Variants in BPIFA3 observed in about 807,000 individuals in gnomAD.
The protein encoded by BPIFA3 is BPI fold containing family A member 3.
A neutral mutation model predicts 29.7 loss-of-function variants in BPIFA3; 32 were observed. The observed-to-expected ratio is 1.08, with a 90% confidence interval of 0.81 to 1.45. The LOEUF is 1.45. Among genes scored for constraint, BPIFA3 ranks in the 40% most tolerant of loss-of-function variants. BPIFA3 has a pLI of 0.00. For synonymous variants in BPIFA3, 112 were observed against 113.7 expected (o/e 0.98, Z 0.10); for missense variants, 323 against 311.3 (o/e 1.04, Z -0.28).
intron 1 of BPIFA3, among the ~76,000 whole-genome samples, chr20:33,222,556 AT>A (rs1985563307): frequency 2.5e-5 from 2 of 80,762 alleles, no homozygotes; most frequent in African/African-American, 5.1e-5. Flanking sequence ...AGATGGACAG[AT>A]GGATGGATGG....
intron 5 of BPIFA3, 33 bp from the exon 6 acceptor site, chr20:33,226,896 TG>T (rs747516837): frequency 9.3e-6 from 15 of 1,613,968 alleles, no homozygotes; most frequent in Non-Finnish European, 1.3e-5. Flanking sequence ...TTCCAGCCCC[TG>T]GCCTGATCCT....
rs199674478 is a variant in BPIFA3 at position 33,227,042 on chromosome 20, C to A, written c.685+49C>A. 3.2e-6 allele frequency: 5 copies of A among 1,555,700 alleles called. No individual in the cohort carries two copies. In the African/African-American group the frequency reaches 5.4e-5, roughly 17 times the overall value. On this transcript the variant is annotated intron_variant, in intron 6 of 6. Transcript: ENST00000375454. ...AGGACTTCTTAGGACTGGCAAGTGG[C>A]TGAAAGAGGTACCCCCGGCCCTGGA...
At position 33,227,672 on chromosome 20, in the gene BPIFA3, G is replaced by A. The variant is rs997159285; in HGVS notation, c.*55G>A. The A allele has an allele frequency of 1.4e-6, 2 of 1,478,282 alleles. No individual in the cohort carries two copies. The highest frequency in any genetic ancestry group is 1.9e-6 in the Non-Finnish European group (2 of 1,057,828). 91.6% of individuals were successfully genotyped at this position (1,478,282 alleles called of 1,614,324 possible). A position where few individuals can be genotyped will look rare whatever the true frequency, so the allele number is the denominator to read the frequency against. On this transcript the variant is annotated 3_prime_UTR_variant, in exon 7 of 7. Transcript: ENST00000375454. ...CTTGCAACCTTAAGTCTCCCTTAGA[G>A]TGGGGCTTCTGCTACCCTAAAAACT...
Position 33,226,332 on chromosome 20 carries a change from T to A in BPIFA3, c.537-74T>A. On this transcript the variant is annotated intron_variant, in intron 4 of 6. Transcript: ENST00000375454. Reference sequence around the variant, plus strand: ...GACTAAAAGACTGTGGAAAGTATACTCAACACATACCTCCTGGCTTTAATA... The same window carrying A: ...GACTAAAAGACTGTGGAAAGTATACACAACACATACCTCCTGGCTTTAATA... 4 of 1,096,858 alleles carry A rather than the reference T, an allele frequency of 3.6e-6. No homozygotes were observed. In the Middle Eastern group the frequency reaches 5.9e-4, roughly 163 times the overall value. The allele number at this position is 1,096,858 out of a possible 1,614,324, so 67.9% of individuals were successfully genotyped here.
At chr20:33,222,333 A>C (rs981942702) in intron 1 of BPIFA3, among the ~76,000 whole-genome samples, 5 of 152,164 alleles carry the variant, frequency 3.3e-5, no homozygotes, top group Non-Finnish European at 5.9e-5. Flanking sequence ...CCGATAGGAG[A>C]AACAGAAAGG....
At chr20:33,226,263 T>C in intron 4 of BPIFA3, 143 bp from the exon 5 acceptor site, 1 of 664,246 alleles carries the variant, frequency 1.5e-6, no homozygotes, top group Non-Finnish European at 2.6e-6. Flanking sequence ...GCTACCCCTT[T>C]GATGATCACT....
Position 33,224,430 on chromosome 20 carries a change from T to TATCTC in BPIFA3, c.356_360dup (p.Leu121SerfsTer9). ...TCCATAAGGAGTGGTTCTCGGCAAA[T>TATCTC]ATCTCACTTGAATTTGACCTTGAAT... On this transcript the variant is annotated frameshift_variant, in exon 3 of 7. Transcript: ENST00000375454. LOFTEE classifies it high-confidence loss of function. 6.2e-7 allele frequency: 1 copy of TATCTC among 1,613,992 alleles called. No homozygotes were observed.
intron 1 of BPIFA3, among the ~76,000 whole-genome samples, chr20:33,221,210 C>T (rs988263584): frequency 4.1e-5 from 6 of 147,968 alleles, no homozygotes; most frequent in East Asian, 4.0e-4. Context: ...AGTACAGTGG[C>T]GGGATCTCAG....
Position 33,217,400 on chromosome 20 carries a change from C to A in BPIFA3, c.-137C>A. The A allele has an allele frequency of 8.5e-7, 1 of 1,172,740 alleles. No homozygotes were observed. 72.6% of individuals were successfully genotyped at this position (1,172,740 alleles called of 1,614,324 possible). A position where few individuals can be genotyped will look rare whatever the true frequency, so the allele number is the denominator to read the frequency against. ...GCGCCAGGGTCCAGTGCAGCCCCTC[C>A]CCACAGCATGCTGGGGGCTAATTCT... On this transcript the variant is annotated 5_prime_UTR_variant, in exon 1 of 7. Coordinates refer to ENST00000375454, the MANE Select transcript of BPIFA3 (RefSeq NM_178466.5).
chr20:33,223,868 T>G lies in BPIFA3; in HGVS notation c.185T>G (p.Phe62Cys). The change falls in exon 2 of 7, where the codon TTT (phenylalanine) becomes TGT (cysteine). Residue 62 changes from phenylalanine to cysteine, a missense_variant. Physicochemically the swap from Phe to Cys is radical, Grantham distance 205. Coordinates refer to ENST00000375454, the MANE Select transcript of BPIFA3 (RefSeq NM_178466.5). ...NAESRIQNIH[F>C]GDRLNASAQV... ...GAAAGCCGAATTCAGAACATCCACT[T>G]TGGGGACAGACTGAATGCCTCAGCA... 1.2e-6 allele frequency: 2 copies of G among 1,614,208 alleles called. No homozygotes were observed. The highest frequency in any genetic ancestry group is 1.3e-5 in the African/African-American group (1 of 75,062).
At chr20:33,226,266 TG>T in intron 4 of BPIFA3, 139 bp from the exon 5 acceptor site, 1 of 670,778 alleles carries the variant, frequency 1.5e-6, no homozygotes, top group Non-Finnish European at 2.6e-6. Context: ...ACCCCTTTGA[TG>T]ATCACTGACA....
At position 33,224,481 on chromosome 20, in the gene BPIFA3, G is replaced by C. The variant is rs1201481044; in HGVS notation, c.386+19G>C. On this transcript the variant is annotated intron_variant, in intron 3 of 6. Transcript: ENST00000375454. ...TGAGACCGTGAGTCATACAGAAGCA[G>C]AATCTGAGAGGTGCTGGCCCTCCTC... 7.0e-6 allele frequency: 11 copies of C among 1,574,958 alleles called. No individual in the cohort carries two copies. Among genetic ancestry groups the C allele is most frequent in the Non-Finnish European group, 9.6e-6 (11 of 1,144,540 alleles).
rs538109319 is a variant in BPIFA3, at chr20:33,226,297, G to T, written c.537-109G>T. 5.7e-5 allele frequency: 45 copies of T among 787,800 alleles called. No individual in the cohort carries two copies. In the African/African-American group the frequency reaches 6.5e-4, roughly 11 times the overall value. 48.8% of individuals were successfully genotyped at this position (787,800 alleles called of 1,614,324 possible). On this transcript the variant is annotated intron_variant, in intron 4 of 6. Transcript: ENST00000375454. ...CTGACAATGATACTTCTGGCATGGG[G>T]CTGAGTGAGGACTAAAAGACTGTGG... is the stretch of plus-strand genomic sequence containing the variant.
chr20:33,222,635 A>AATGGATGGATGG (rs34210730), intron 1 of BPIFA3, among the ~76,000 whole-genome samples: 2 of 104,348 alleles, frequency 1.9e-5, no homozygotes, highest in African/African-American at 1.1e-4. Context: ...TGAGCGGATG[A>AATGGATGGATGG]ATGGATGGAT....
intron 1 of BPIFA3, among the ~76,000 whole-genome samples, chr20:33,221,280 G>A (rs1432942704): frequency 2.0e-5 from 3 of 151,126 alleles, no homozygotes; most frequent in South Asian, 2.1e-4. Context: ...TCAGCCTCCC[G>A]AGTAGCTGGG....
At chr20:33,227,424 G>A (rs180671901) in intron 6 of BPIFA3, 114 bp from the exon 7 acceptor site, 14 of 851,204 alleles carry the variant, frequency 1.6e-5, no homozygotes, top group Admixed American at 7.8e-5. Context: ...GGGTTTTCAC[G>A]TGAACGCTCC....
At position 33,217,418 on chromosome 20, in the gene BPIFA3, C is replaced by T; in HGVS notation, c.-119C>T. On this transcript the variant is annotated 5_prime_UTR_variant, in exon 1 of 7. Transcript: ENST00000375454. ...GCCCCTCCCCACAGCATGCTGGGGG[C>T]TAATTCTGATGTCATCTTTCTGCAG... The T allele has an allele frequency of 7.6e-7, 1 of 1,324,456 alleles. No individual in the cohort carries two copies. The highest frequency in any genetic ancestry group is 1.0e-6 in the Non-Finnish European group (1 of 978,826). The allele number at this position is 1,324,456 out of a possible 1,614,324, so 82.0% of individuals were successfully genotyped here. A position where few individuals can be genotyped will look rare whatever the true frequency, so the allele number is the denominator to read the frequency against.
chr20:33,222,629 CGGATGAATGGATGGATGGATGGAT>C (rs1985578002), intron 1 of BPIFA3, among the ~76,000 whole-genome samples: 20 of 68,898 alleles, frequency 2.9e-4, no homozygotes, highest in African/African-American at 1.5e-3. Flanking sequence ...GATGGATGAG[CGGATGAATGGATGGATGGATGGAT>C]GGATGGATGG....
chr20:33,217,774 C>T, intron 1 of BPIFA3, 111 bp downstream of exon 1: 1 of 1,332,338 alleles, frequency 7.5e-7, no homozygotes. Flanking sequence ...GTCACTTTCC[C>T]TCTTCTCTTT....
Sources: gnomAD v4.1 joint callset for allele counts (sites outside exome capture counted in the v4.1 genomes callset) on GRCh38, gnomAD v4.1.1 for gene constraint, MANE v1.5 for transcripts, NCBI Gene and HGNC (gene_info 2026-07-23, HGNC 2026-07-21) for gene names.